RANBP2: variants seen among roughly 807,000 people sequenced by gnomAD.
RANBP2 encodes E3 SUMO-protein ligase RanBP2.
Under a neutral mutation model 303.6 loss-of-function variants are expected in RANBP2, and 57 were observed. The ratio of observed to expected loss-of-function variants is 0.19; its 90% CI spans 0.15 to 0.23. The LOEUF is 0.23. Among genes scored for constraint, RANBP2 ranks in the 10% least tolerant of loss-of-function variants. The pLI, the probability that RANBP2 is intolerant of heterozygous loss-of-function variation, is 1.00. For synonymous variants in RANBP2, 1,167 were observed against 1,301.5 expected (o/e 0.90, Z 2.23); for missense variants, 3,138 against 3,780.8 (o/e 0.83, Z 4.46).
At chr2:109,024,653 A>C in the RANBP2 span, among the ~76,000 whole-genome samples, 2 of 152,116 alleles carry the variant, frequency 1.3e-5, no homozygotes, top group African/African-American at 4.8e-5. Context: ...CAGGGTGTCC[A>C]CTTCATCCTA....
chr2:109,539,042 G>T, the RANBP2 span, among the ~76,000 whole-genome samples: 1 of 152,122 alleles, frequency 6.6e-6, no homozygotes, highest in Non-Finnish European at 1.5e-5. Context: ...GTTCACGCCT[G>T]TATTTCCAAC....
chr2:108,955,638 G>A, the RANBP2 span, among the ~76,000 whole-genome samples: 7 of 151,308 alleles, frequency 4.6e-5, no homozygotes, highest in East Asian at 3.9e-4. Context: ...CCCAGGAGGC[G>A]GAGGTTGCAG....
chr2:109,744,810 C>G, the RANBP2 span, among the ~76,000 whole-genome samples: 1 of 27,300 alleles, frequency 3.7e-5, no homozygotes, highest in African/African-American at 7.5e-5. Context: ...GGAATTCTCA[C>G]TCATTGCTGG....
chr2:109,615,110 C>G, the RANBP2 span: 5 of 1,549,834 alleles, frequency 3.2e-6, no homozygotes, highest in Non-Finnish European at 4.4e-6. Context: ...ACCTCCGTGA[C>G]CTGGTGATGG....
At chr2:109,345,723 G>A in the RANBP2 span, among the ~76,000 whole-genome samples, 1 of 152,050 alleles carries the variant, frequency 6.6e-6, no homozygotes, top group African/African-American at 2.4e-5. Flanking sequence ...TAAAGTATTC[G>A]TAGACTAAGT....
At chr2:108,865,053 G>A in the RANBP2 span, among the ~76,000 whole-genome samples, 1 of 152,046 alleles carries the variant, frequency 6.6e-6, no homozygotes, top group Non-Finnish European at 1.5e-5. Flanking sequence ...TCCCTCCCTG[G>A]AGGGAACAAC....
the RANBP2 span, among the ~76,000 whole-genome samples, chr2:109,005,095 A>G: frequency 6.6e-6 from 1 of 152,180 alleles, no homozygotes; most frequent in East Asian, 1.9e-4. Flanking sequence ...GACCCTCTTC[A>G]TCCTAATCCA....
At chr2:109,004,830 C>T in the RANBP2 span, among the ~76,000 whole-genome samples, 126 of 152,160 alleles carry the variant, frequency 8.3e-4, no homozygotes, top group Non-Finnish European at 1.5e-3. Flanking sequence ...CAAAACTCAC[C>T]ATCTTCTCCC....
At chr2:108,756,481 C>T (rs944905919) in intron 17 of RANBP2, among the ~76,000 whole-genome samples, 2 of 152,100 alleles carry the variant, frequency 1.3e-5, no homozygotes, top group Admixed American at 6.6e-5. Context: ...TGATGTGTGG[C>T]GATTATTACA....
intron 28 of RANBP2, 81 bp downstream of exon 28, chr2:108,782,943 G>A (rs1678357597): frequency 4.0e-6 from 5 of 1,246,270 alleles, no homozygotes; most frequent in Non-Finnish European, 5.8e-6. Context: ...GTTTTTCCTT[G>A]ACCTCATCCT....
chr2:109,586,070 G>A, the RANBP2 span, among the ~76,000 whole-genome samples: 1 of 152,210 alleles, frequency 6.6e-6, no homozygotes, highest in Non-Finnish European at 1.5e-5. Flanking sequence ...CTAGCACTAT[G>A]TATAACATTA....
the RANBP2 span, chr2:109,617,394 G>A: frequency 1.2e-5 from 2 of 167,048 alleles, no homozygotes; most frequent in Admixed American, 6.5e-5. Context: ...ACTCGTTTAA[G>A]TATGGTTCTT....
the RANBP2 span, among the ~76,000 whole-genome samples, chr2:109,196,190 G>T: frequency 6.6e-6 from 1 of 152,192 alleles, no homozygotes; most frequent in African/African-American, 2.4e-5. Flanking sequence ...CAGCCTGGAG[G>T]CCTTGTCCAC....
intron 17 of RANBP2, 129 bp from the exon 18 acceptor site, chr2:108,758,284 G>A (rs1573791777): frequency 7.1e-6 from 10 of 1,408,206 alleles, no homozygotes; most frequent in Non-Finnish European, 9.4e-6. Flanking sequence ...ACGACAGATC[G>A]AGACACCATC....
At chr2:109,585,875 A>G in the RANBP2 span, 1 of 1,545,336 alleles carries the variant, frequency 6.5e-7, no homozygotes, top group Non-Finnish European at 8.9e-7. Flanking sequence ...CAGCAATAAA[A>G]AAAACAACTT....
the RANBP2 span, among the ~76,000 whole-genome samples, chr2:108,811,340 G>A: frequency 2.8e-5 from 4 of 143,430 alleles, no homozygotes; most frequent in Non-Finnish European, 6.0e-5. Context: ...AACCTCCAGG[G>A]CTTAAACCAC....
At chr2:109,045,800 T>A in the RANBP2 span, among the ~76,000 whole-genome samples, 1 of 152,028 alleles carries the variant, frequency 6.6e-6, no homozygotes, top group African/African-American at 2.4e-5. Flanking sequence ...GAACACACAA[T>A]TACCTCCAAA....
the RANBP2 span, among the ~76,000 whole-genome samples, chr2:108,900,141 C>T: frequency 6.0e-4 from 91 of 152,008 alleles, 1 homozygote; most frequent in African/African-American, 2.1e-3. Flanking sequence ...TTCAAGTGAC[C>T]CACAGTAAAG....
At chr2:109,100,234 A>G in the RANBP2 span, among the ~76,000 whole-genome samples, 2 of 152,246 alleles carry the variant, frequency 1.3e-5, no homozygotes, top group Non-Finnish European at 2.9e-5. Flanking sequence ...CAGGCCACAC[A>G]GCAGGAGGTA....
Sources: allele counts gnomAD v4.1 joint callset (sites outside exome capture counted in the v4.1 genomes callset), GRCh38; gene constraint gnomAD v4.1.1; transcripts MANE v1.5; gene names NCBI Gene and HGNC (gene_info 2026-07-23, HGNC 2026-07-21).